The following NRG2 variants were observed in gnomAD, a reference collection of about 807,000 sequenced individuals.
NRG2 encodes the protein pro-neuregulin-2, membrane-bound isoform.
Under a neutral mutation model 73.9 loss-of-function variants are expected in NRG2, and 27 were observed. That is an observed-to-expected ratio of 0.37 (90% CI 0.27 to 0.50). NRG2 has a LOEUF of 0.50. Ranked by LOEUF, NRG2 falls within the 20% of genes least tolerant of loss-of-function variation. The probability of loss-of-function intolerance (pLI) is 0.96; values close to 1 mark genes in which losing one functional copy is unlikely to be tolerated. For missense variants in NRG2, 1,126 were observed against 1,210.1 expected (o/e 0.93, Z 1.03); for synonymous variants, 532 against 541.0 (o/e 0.98, Z 0.23).
chr5:139,977,328 G>A (rs1252692382), intron 1 of NRG2, among the ~76,000 whole-genome samples: 3 of 152,158 alleles, frequency 2.0e-5, no homozygotes, highest in Non-Finnish European at 4.4e-5. Context: ...GAATGATTAT[G>A]AACCATGTCC....
At chr5:139,982,011 G>A (rs908992681) in intron 1 of NRG2, among the ~76,000 whole-genome samples, 1 of 152,166 alleles carries the variant, frequency 6.6e-6, no homozygotes, top group Non-Finnish European at 1.5e-5. Flanking sequence ...AGCACGTTTG[G>A]AGCAGTACCA....
intron 1 of NRG2, among the ~76,000 whole-genome samples, chr5:139,961,841 C>T (rs1232047862): frequency 3.9e-5 from 6 of 152,222 alleles, no homozygotes; most frequent in South Asian, 4.1e-4. Flanking sequence ...TTTCAGGAAT[C>T]GTCTGCAATA....
chr5:139,985,428 C>T (rs1757102985), intron 1 of NRG2, among the ~76,000 whole-genome samples: 1 of 152,004 alleles, frequency 6.6e-6, no homozygotes, highest in Non-Finnish European at 1.5e-5. Flanking sequence ...AAGCACTGTA[C>T]CTAGCACAGC....
At chr5:139,935,565 TG>T (rs1288075703) in intron 1 of NRG2, among the ~76,000 whole-genome samples, 1 of 152,152 alleles carries the variant, frequency 6.6e-6, no homozygotes, top group Non-Finnish European at 1.5e-5. Flanking sequence ...AAAAGATATA[TG>T]GAAAAGCACC....
intron 1 of NRG2, among the ~76,000 whole-genome samples, chr5:140,009,836 A>G (rs914221786): frequency 5.9e-5 from 9 of 152,252 alleles, no homozygotes; most frequent in African/African-American, 1.9e-4. Flanking sequence ...GCATATTACT[A>G]AATGAAGGAC....
intron 2 of NRG2, among the ~76,000 whole-genome samples, chr5:139,884,518 T>C (rs1763740371): frequency 1.3e-5 from 2 of 152,196 alleles, no homozygotes; most frequent in South Asian, 4.1e-4. Context: ...AGCTCTGTCT[T>C]GAATGGATGA....
rs1270850915 is a variant in NRG2 at position 139,887,971 on chromosome 5, G to A, written c.701-460C>T. 1.3e-5 allele frequency among the ~76,000 whole-genome samples: 2 copies of A among 152,116 alleles called. No individual in the cohort carries two copies. The highest frequency in any genetic ancestry group is 3.9e-4 in the East Asian group (2 of 5,186). ...CATGGGGCTGTACTGGTGGGCTCAG[G>A]CCCAATCACGGATGCAAAGCTGCAA... On this transcript the variant is annotated intron_variant, in intron 1 of 9. Coordinates refer to ENST00000361474, the MANE Select transcript of NRG2 (RefSeq NM_004883.3). This position sits in a 1 kb window ranked among gnomAD's most constrained non-coding sequence, Gnocchi z 4.5.
At chr5:139,972,388 T>G (rs931640446) in intron 1 of NRG2, among the ~76,000 whole-genome samples, 1 of 152,154 alleles carries the variant, frequency 6.6e-6, no homozygotes, top group Non-Finnish European at 1.5e-5. Flanking sequence ...AAAGAAATAC[T>G]GATAATGTTT....
chr5:139,849,079 T>G (rs908748148), intron 9 of NRG2, among the ~76,000 whole-genome samples: 1 of 152,094 alleles, frequency 6.6e-6, no homozygotes, highest in African/African-American at 2.4e-5. Context: ...TTCCATCTGG[T>G]TTAATACCGC....
intron 1 of NRG2, among the ~76,000 whole-genome samples, chr5:139,967,131 C>T (rs771453869): frequency 1.6e-4 from 24 of 152,134 alleles, no homozygotes; most frequent in Admixed American, 1.4e-3. Context: ...ATAGGGTCAA[C>T]GGGAGTGGCT....
intron 1 of NRG2, among the ~76,000 whole-genome samples, chr5:139,897,532 T>C (rs552396231): frequency 6.6e-6 from 1 of 152,314 alleles, no homozygotes; most frequent in South Asian, 2.1e-4. Flanking sequence ...CTTATCTTTC[T>C]AGACTGTGAG....
intron 1 of NRG2, among the ~76,000 whole-genome samples, chr5:139,979,864 G>C (rs1229472950): frequency 6.6e-6 from 1 of 152,192 alleles, no homozygotes; most frequent in African/African-American, 2.4e-5. Flanking sequence ...CTGATACACA[G>C]AAACTGTGAG....
intron 1 of NRG2, among the ~76,000 whole-genome samples, chr5:139,906,511 T>G (rs1765241070): frequency 6.6e-6 from 1 of 152,166 alleles, no homozygotes; most frequent in Non-Finnish European, 1.5e-5. Flanking sequence ...GCACATACTA[T>G]ACTAATCTCT....
At chr5:139,948,422 C>T (rs1393860476) in intron 1 of NRG2, among the ~76,000 whole-genome samples, 3 of 152,108 alleles carry the variant, frequency 2.0e-5, no homozygotes, top group South Asian at 2.1e-4. Flanking sequence ...CACAGAGGTC[C>T]GCTTCACATA....
intron 1 of NRG2, among the ~76,000 whole-genome samples, chr5:139,972,788 A>T (rs574125717): frequency 1.3e-5 from 2 of 152,226 alleles, no homozygotes; most frequent in African/African-American, 4.8e-5. Context: ...TACAGCATTT[A>T]TCAAAATAAA....
At chr5:139,901,765 T>C (rs1764906165) in intron 1 of NRG2, among the ~76,000 whole-genome samples, 1 of 152,216 alleles carries the variant, frequency 6.6e-6, no homozygotes, top group African/African-American at 2.4e-5. Flanking sequence ...CACAGGGACC[T>C]CCAGCAGAGG....
intron 1 of NRG2, among the ~76,000 whole-genome samples, chr5:139,945,784 T>G (rs373799227): frequency 6.6e-6 from 1 of 152,010 alleles, no homozygotes; most frequent in Non-Finnish European, 1.5e-5. Context: ...GGATATAAGA[T>G]CTACATAAAT....
chr5:139,856,910 A>C lies in NRG2; in HGVS notation c.1190-1132T>G, dbSNP rs1051858086. Among the ~76,000 whole-genome samples the C allele has an allele frequency of 6.6e-6, 1 of 152,184 alleles. No homozygotes were observed. The highest frequency in any genetic ancestry group is 2.4e-5 in the African/African-American group (1 of 41,446). ...CAGTTGGATGGAGTTGTAAACAACC[A>C]GACCTCCACCCTAGGTCCCCATCTC... On this transcript the variant is annotated intron_variant, in intron 5 of 9. Transcript: ENST00000361474. The surrounding 1 kb of genome is among the most constrained non-coding windows in gnomAD (Gnocchi z 4.2).
At chr5:139,878,546 C>T (rs1233382829) in intron 3 of NRG2, among the ~76,000 whole-genome samples, 1 of 152,224 alleles carries the variant, frequency 6.6e-6, no homozygotes, top group Non-Finnish European at 1.5e-5. Context: ...TTGAGCCATC[C>T]TATGAGTTCT....
Sources: gnomAD v4.1 joint callset for allele counts (sites outside exome capture counted in the v4.1 genomes callset) on GRCh38, gnomAD v4.1.1 for gene constraint, Gnocchi (gnomAD v3.1) non-coding constraint, MANE v1.5 for transcripts, NCBI Gene and HGNC (gene_info 2026-07-23, HGNC 2026-07-21) for gene names.